Variants in TRPM5 observed in about 807,000 individuals in gnomAD.
TRPM5 encodes transient receptor potential cation channel subfamily M member 5.
A neutral mutation model predicts 124.9 loss-of-function variants in TRPM5; 121 were observed. That is an observed-to-expected ratio of 0.97 (90% confidence interval 0.84 to 1.13). The LOEUF (loss-of-function observed/expected upper bound fraction) is 1.13, where lower values mean the gene tolerates loss of function less well. TRPM5 is among the 50% of genes most tolerant of loss of function. The probability of loss-of-function intolerance (pLI) is 0.00; values close to 1 mark genes in which losing one functional copy is unlikely to be tolerated. For synonymous variants in TRPM5, 781 were observed against 700.5 expected (o/e 1.11, Z -1.81); for missense variants, 1,643 against 1,589.1 (o/e 1.03, Z -0.58).
chr11:2,432,449 G>A, the TRPM5 span, among the ~76,000 whole-genome samples: 1 of 152,218 alleles, frequency 6.6e-6, no homozygotes, highest in Non-Finnish European at 1.5e-5. Flanking sequence ...CCCAATGGCT[G>A]ACTGCAGAGG....
At chr11:2,415,162 C>T in exon 9 of TRPM5, 1 of 1,580,920 alleles carries the variant, frequency 6.3e-7, no homozygotes, top group South Asian at 1.1e-5. Flanking sequence ...TGGTAGAAGC[C>T]TCGGCAGGCG....
upstream of TRPM5, among the ~76,000 whole-genome samples, chr11:2,423,764 C>T (rs973881258): frequency 4.6e-5 from 7 of 152,206 alleles, no homozygotes; most frequent in African/African-American, 1.7e-4. Context: ...CTCCCAGCTG[C>T]CCGGTGAGGT....
the TRPM5 span, among the ~76,000 whole-genome samples, chr11:2,437,826 G>C: frequency 6.6e-6 from 1 of 152,180 alleles, no homozygotes; most frequent in Non-Finnish European, 1.5e-5. The surrounding 1 kb of genome is among the most constrained non-coding windows in gnomAD (Gnocchi z 5.6). Flanking sequence ...GTCTTTATGA[G>C]CATGCGGGGG....
At chr11:2,416,125 C>T (rs560938697) in intron 7 of TRPM5, 101 bp from the exon 13 acceptor site, 37 of 794,536 alleles carry the variant, frequency 4.7e-5, no homozygotes, top group South Asian at 2.6e-4. Flanking sequence ...GACGCGGAAA[C>T]GGGAACTTCA....
At position 2,407,853 on chromosome 11, in the gene TRPM5, TG is replaced by T; in HGVS notation, c.2841del (p.Ser948AlafsTer24). The T allele has an allele frequency of 1.9e-6, 3 of 1,613,974 alleles. No individual in the cohort carries two copies. Among genetic ancestry groups the T allele is most frequent in the Non-Finnish European group, 2.5e-6 (3 of 1,179,984 alleles). Reference sequence around the variant, plus strand: ...ATGACCAGCCAGTTGGCATAGAGGCTGGGGCAGGATGGTGAGTCCTCCAGCA... The same window carrying T: ...ATGACCAGCCAGTTGGCATAGAGGCTGGGCAGGATGGTGAGTCCTCCAGCA... On this transcript the variant is annotated frameshift_variant, in exon 19 of 24. Coordinates refer to ENST00000155858, the Ensembl canonical transcript of TRPM5. LOFTEE classifies it high-confidence loss of function.
At chr11:2,414,786 A>C in exon 11 of TRPM5, 1 of 1,572,538 alleles carries the variant, frequency 6.4e-7, no homozygotes, top group Non-Finnish European at 8.6e-7. Flanking sequence ...CAGGTGCGAC[A>C]TCTCTTTGAG....
intron 8 of TRPM5, 103 bp from the exon 14 acceptor site, chr11:2,415,574 C>A (rs1225620135): frequency 3.7e-6 from 3 of 819,706 alleles, no homozygotes; most frequent in Non-Finnish European, 3.7e-6. Context: ...GGGGATCCAT[C>A]CCCAGGGCCA....
At chr11:2,404,850 T>A in exon 24 of TRPM5, 2 of 1,151,630 alleles carry the variant, frequency 1.7e-6, no homozygotes, top group Non-Finnish European at 1.3e-6. Flanking sequence ...CCTGGGGGGT[T>A]CCGCTGGAGG....
At chr11:2,413,386 A>G (rs1185605326) in intron 13 of TRPM5, 90 bp downstream of exon 18, 2 of 1,357,320 alleles carry the variant, frequency 1.5e-6, no homozygotes, top group Non-Finnish European at 2.0e-6. Context: ...TCAGGCTACC[A>G]CCAGCACCTG....
chr11:2,407,123 G>C (rs146472801), exon 20 of TRPM5: 2 of 1,589,718 alleles, frequency 1.3e-6, no homozygotes, highest in Non-Finnish European at 1.7e-6. Flanking sequence ...CCTCACCCAG[G>C]TGCTCCCGCT....
chr11:2,418,276 AG>A lies in TRPM5; in HGVS notation c.796del (p.Leu266Ter). 4 of 1,580,944 alleles carry A rather than the reference AG, an allele frequency of 2.5e-6. No homozygotes were observed. Among genetic ancestry groups the A allele is most frequent in the East Asian group, 2.3e-5 (1 of 43,460 alleles). ...CACCAGGAGGTGGGGCTGGTTCACT[AG>A]GGCAGCAAGCACATCGGCGATGCCC... is the stretch of plus-strand genomic sequence containing the variant. On this transcript the variant is annotated frameshift_variant, in exon 6 of 24. Coordinates refer to ENST00000155858, the Ensembl canonical transcript of TRPM5. LOFTEE classifies it high-confidence loss of function.
the TRPM5 span, among the ~76,000 whole-genome samples, chr11:2,429,189 G>C: frequency 6.6e-6 from 1 of 151,474 alleles, no homozygotes; most frequent in African/African-American, 2.4e-5. The surrounding 1 kb of genome is among the most constrained non-coding windows in gnomAD (Gnocchi z 8.4). Flanking sequence ...TGGTGGTTAT[G>C]GTGGTGTTGG....
At chr11:2,435,095 C>T in the TRPM5 span, among the ~76,000 whole-genome samples, 16 of 152,114 alleles carry the variant, frequency 1.1e-4, no homozygotes, top group African/African-American at 3.6e-4. The surrounding 1 kb of genome is among the most constrained non-coding windows in gnomAD (Gnocchi z 4.1). Context: ...CCACCACAGC[C>T]GGCCTGGGGA....
the TRPM5 span, among the ~76,000 whole-genome samples, chr11:2,435,101 G>A: frequency 6.6e-6 from 1 of 152,148 alleles, no homozygotes; most frequent in Non-Finnish European, 1.5e-5. This position sits in a 1 kb window ranked among gnomAD's most constrained non-coding sequence, Gnocchi z 4.1. Context: ...CAGCCGGCCT[G>A]GGGAGAGATT....
the TRPM5 span, among the ~76,000 whole-genome samples, chr11:2,439,906 A>G: frequency 6.6e-6 from 1 of 152,256 alleles, no homozygotes; most frequent in Admixed American, 6.5e-5. Context: ...TATTCACAAT[A>G]ACAAAGACCT....
chr11:2,441,199 G>A, the TRPM5 span, among the ~76,000 whole-genome samples: 3 of 152,310 alleles, frequency 2.0e-5, no homozygotes, highest in East Asian at 1.9e-4. This position sits in a 1 kb window ranked among gnomAD's most constrained non-coding sequence, Gnocchi z 7.2. Flanking sequence ...TGCACCCACC[G>A]GAATGATAGA....
In TRPM5 at chr11:2,417,794, G is replaced by A. The variant is rs150411358; in HGVS notation, c.942C>T (p.Thr314=). The A allele has an allele frequency of 2.2e-3, 3,313 of 1,530,804 alleles. 5 individuals carry two copies. The highest frequency in any genetic ancestry group is 2.5e-3 in the Non-Finnish European group (2,825 of 1,129,956). 94.8% of individuals were successfully genotyped at this position (1,530,804 alleles called of 1,614,324 possible). A position where few individuals can be genotyped will look rare whatever the true frequency, so the allele number is the denominator to read the frequency against. The change falls in exon 7 of 24, where the codon ACC becomes ACT. Residue 314 remains threonine, a synonymous_variant. Transcript: ENST00000155858. ...AGCCCTCCTGCTCGAAGTCATACAC[G>A]GTGAGCAGGTGCTGGTGTGAGGTGA...
In TRPM5 at chr11:2,421,213, G is replaced by T; in HGVS notation, c.299-15C>A. On this transcript the variant is annotated splice_polypyrimidine_tract_variant and intron_variant, in intron 2 of 23. Transcript: ENST00000155858. ...GATCCAGGCTCCTGTGGGGATGGAA[G>T]AGGGCCTCGTTGTGCCGCACGCCCC... 1 of 1,531,786 alleles carries T rather than the reference G, an allele frequency of 6.5e-7. No individual in the cohort carries two copies. The highest frequency in any genetic ancestry group is 1.2e-5 in the South Asian group (1 of 83,566). The allele number at this position is 1,531,786 out of a possible 1,614,324, so 94.9% of individuals were successfully genotyped here. A position where few individuals can be genotyped will look rare whatever the true frequency, so the allele number is the denominator to read the frequency against.
intron 12 of TRPM5, 52 bp downstream of exon 17, chr11:2,414,009 G>GCCCCCCCCCCCCCCCCCCC: frequency 2.9e-6 from 3 of 1,023,718 alleles, no homozygotes; most frequent in Non-Finnish European, 4.3e-6. Context: ...GGCCCAGCTC[G>GCCCCCCCCCCCCCCCCCCC]CCCGCCCACC....
Sources: allele counts gnomAD v4.1 joint callset (sites outside exome capture counted in the v4.1 genomes callset), GRCh38; gene constraint gnomAD v4.1.1; non-coding constraint Gnocchi (gnomAD v3.1); transcripts MANE v1.5; gene names NCBI Gene and HGNC (gene_info 2026-07-23, HGNC 2026-07-21).